MAP3K13: variants seen among roughly 807,000 people sequenced by gnomAD.
The protein encoded by MAP3K13 is leucine zipper-bearing kinase.
A neutral mutation model predicts 104.0 loss-of-function variants in MAP3K13; 52 were observed. That is an observed-to-expected ratio of 0.50 (90% CI 0.40 to 0.63). MAP3K13 has a LOEUF of 0.63. Among genes scored for constraint, MAP3K13 ranks in the 20% least tolerant of loss-of-function variants. The pLI is 0.00. For missense variants in MAP3K13, 914 were observed against 1,218.5 expected (o/e 0.75, Z 3.72); for synonymous variants, 394 against 442.2 (o/e 0.89, Z 1.37).
intron 2 of MAP3K13, among the ~76,000 whole-genome samples, chr3:185,433,925 A>C (rs1344621026): frequency 2.0e-5 from 3 of 152,094 alleles, no homozygotes; most frequent in African/African-American, 7.2e-5. Context: ...CTAAAGCAAT[A>C]TGAAAAGAAA....
chr3:185,365,042 C>A (rs1373988907), intron 1 of MAP3K13, among the ~76,000 whole-genome samples: 4 of 152,114 alleles, frequency 2.6e-5, no homozygotes, highest in African/African-American at 9.7e-5. Flanking sequence ...AAAAAATGTT[C>A]ATCAGACTCT....
At chr3:185,475,570 G>GGGTGGCCGC (rs1718073389) in intron 11 of MAP3K13, among the ~76,000 whole-genome samples, 1 of 152,154 alleles carries the variant, frequency 6.6e-6, no homozygotes, top group African/African-American at 2.4e-5. Flanking sequence ...GTGTTTCAGG[G>GGGTGGCCGC]GGTGGCCGCG....
intron 1 of MAP3K13, among the ~76,000 whole-genome samples, chr3:185,422,746 C>T (rs749591961): frequency 1.3e-5 from 2 of 152,222 alleles, no homozygotes; most frequent in Non-Finnish European, 2.9e-5. Flanking sequence ...GAGCCAATAG[C>T]ACGTAAGACT....
chr3:185,453,572 C>G (rs1032618777), intron 7 of MAP3K13, among the ~76,000 whole-genome samples: 2 of 151,668 alleles, frequency 1.3e-5, no homozygotes, highest in African/African-American at 4.8e-5. Context: ...AGATTGAGAC[C>G]ATCCTGGCCA....
rs1448179584 is a variant in MAP3K13 at position 185,473,203 on chromosome 3, T to C, written c.1872T>C (p.Ala624=). Residue 624 remains alanine, a synonymous_variant, in exon 11 of 14, where the codon GCT becomes GCC. Transcript: ENST00000265026. The surrounding 1 kb of genome is among the most constrained non-coding windows in gnomAD (Gnocchi z 4.9). ...NSPHPTYLHQ[A]QSQYPSLHHH... ...CCCATCCCACTTACCTGCACCAAGC[T>C]CAATCCCAATACCCTTCTCTTCATC... The C allele has an allele frequency of 7.4e-6, 12 of 1,613,878 alleles. No individual in the cohort carries two copies. Among genetic ancestry groups the C allele is most frequent in the Non-Finnish European group, 9.3e-6 (11 of 1,180,008 alleles).
rs1717907691 is a variant in MAP3K13 at position 185,473,190 on chromosome 3, A to C, written c.1859A>C (p.Tyr620Ser). ...CAGGAAAATTCACCCCATCCCACTT[A>C]CCTGCACCAAGCTCAATCCCAATAC... ...PAQENSPHPT[Y>S]LHQAQSQYPS... Residue 620 changes from tyrosine (Y) to serine (S), a missense_variant, in exon 11 of 14, where the codon TAC (tyrosine) becomes TCC (serine). Tyr to Ser is a moderately radical substitution (Grantham distance 144). Around this residue, in one of 3 missense-constraint regions of MAP3K13, gnomAD observed 583 missense variants for 737.4 expected, o/e 0.79. Transcript: ENST00000265026. This position sits in a 1 kb window ranked among gnomAD's most constrained non-coding sequence, Gnocchi z 4.9. 1 of 1,614,086 alleles carries C rather than the reference A, an allele frequency of 6.2e-7. No homozygotes were observed. The highest frequency in any genetic ancestry group is 1.3e-5 in the African/African-American group (1 of 75,012).
intron 1 of MAP3K13, among the ~76,000 whole-genome samples, chr3:185,397,904 C>A (rs1577507831): frequency 6.6e-6 from 1 of 152,154 alleles, no homozygotes; most frequent in African/African-American, 2.4e-5. Context: ...GCCAGTAAGA[C>A]TTTGAAAGGT....
intron 2 of MAP3K13, among the ~76,000 whole-genome samples, chr3:185,289,578 A>T (rs1177645543): frequency 6.6e-6 from 1 of 152,144 alleles, no homozygotes; most frequent in South Asian, 2.1e-4. Context: ...TGATAGGCTT[A>T]ATTAGCTGGC....
In MAP3K13 at chr3:185,450,700, C is replaced by A. The variant is rs528680483; in HGVS notation, c.1170-587C>A. ...CTGTAATCCCAACACTTTGGGAGGCCGAGGTAGGAGGATCACTTGAACCCA... is the reference window on the plus strand; with the variant it reads ...CTGTAATCCCAACACTTTGGGAGGCAGAGGTAGGAGGATCACTTGAACCCA... On this transcript the variant is annotated intron_variant, in intron 6 of 13. Transcript: ENST00000265026. The surrounding 1 kb of genome is among the most constrained non-coding windows in gnomAD (Gnocchi z 4.2). 1.3e-5 allele frequency among the ~76,000 whole-genome samples: 2 copies of A among 151,224 alleles called. No individual in the cohort carries two copies. The highest frequency in any genetic ancestry group is 6.6e-5 in the Admixed American group (1 of 15,162).
chr3:185,442,180 A>C (rs1475084455), intron 3 of MAP3K13, among the ~76,000 whole-genome samples: 1 of 115,666 alleles, frequency 8.6e-6, no homozygotes, highest in Admixed American at 1.0e-4. Context: ...ACAGAGCGAG[A>C]CTCTTTCTTA....
chr3:185,444,703 A>G (rs1321044057), intron 4 of MAP3K13, among the ~76,000 whole-genome samples: 1 of 152,238 alleles, frequency 6.6e-6, no homozygotes, highest in Non-Finnish European at 1.5e-5. Context: ...TATAACTCCT[A>G]TTTTTAAACA....
At chr3:185,428,075 G>A (rs561944743) in intron 1 of MAP3K13, among the ~76,000 whole-genome samples, 9 of 142,266 alleles carry the variant, frequency 6.3e-5, no homozygotes, top group Admixed American at 1.4e-4. Flanking sequence ...GCAAAACTCC[G>A]TCTCAAAAAA....
intron 7 of MAP3K13, among the ~76,000 whole-genome samples, chr3:185,455,266 GAT>G (rs1270689548): frequency 1.1e-4 from 2 of 17,800 alleles, no homozygotes; most frequent in Non-Finnish European, 1.9e-4. Context: ...AGATATATGA[GAT>G]ATATATGAGA....
chr3:185,307,836 C>T (rs1721350933), intron 2 of MAP3K13, among the ~76,000 whole-genome samples: 1 of 152,028 alleles, frequency 6.6e-6, no homozygotes, highest in Non-Finnish European at 1.5e-5. Context: ...GCCACCACAC[C>T]CAGCCTTTAA....
chr3:185,449,451 G>T (rs1263333333), intron 5 of MAP3K13, among the ~76,000 whole-genome samples: 1 of 149,616 alleles, frequency 6.7e-6, no homozygotes, highest in Middle Eastern at 3.5e-3. Flanking sequence ...GATTTTTATG[G>T]TTTCATTTTT....
intron 1 of MAP3K13, among the ~76,000 whole-genome samples, chr3:185,384,308 C>CTGTGTGTG (rs142627913): frequency 0.049 from 7,211 of 147,482 alleles, 260 homozygotes; most frequent in East Asian, 0.12. Context: ...GTATTCCATT[C>CTGTGTGTG]TGTGTGTGTG....
At chr3:185,459,428 A>C (rs1374935077) in intron 7 of MAP3K13, among the ~76,000 whole-genome samples, 3 of 151,982 alleles carry the variant, frequency 2.0e-5, no homozygotes, top group African/African-American at 7.3e-5. Flanking sequence ...GATAGTATAA[A>C]ATTTGCCATT....
In MAP3K13 at chr3:185,450,135, TAGG is replaced by T. The variant is rs1421216749; in HGVS notation, c.1169+80_1169+82del. ...GTAAATATCCTGGTGGTGGAAAGAA[TAGG>T]AGCTTTGGAGTAGGAGAATCTTGGG... On this transcript the variant is annotated intron_variant, in intron 6 of 13. Transcript: ENST00000265026. The surrounding 1 kb of genome is among the most constrained non-coding windows in gnomAD (Gnocchi z 4.2). 5.3e-5 allele frequency: 73 copies of T among 1,372,418 alleles called. No individual in the cohort carries two copies. In the African/African-American group the frequency reaches 8.7e-4, roughly 16 times the overall value. 85.0% of individuals were successfully genotyped at this position (1,372,418 alleles called of 1,614,324 possible). A position where few individuals can be genotyped will look rare whatever the true frequency, so the allele number is the denominator to read the frequency against.
chr3:185,401,020 A>G (rs895974620), intron 1 of MAP3K13, among the ~76,000 whole-genome samples: 1 of 151,978 alleles, frequency 6.6e-6, no homozygotes, highest in African/African-American at 2.4e-5. Context: ...GCAGAAGAGA[A>G]TCATGGGCCA....
Sources: allele counts gnomAD v4.1 joint callset (sites outside exome capture counted in the v4.1 genomes callset), GRCh38; gene constraint gnomAD v4.1.1; regional missense constraint gnomAD v4.1.1; non-coding constraint Gnocchi (gnomAD v3.1); transcripts MANE v1.5; gene names NCBI Gene and HGNC (gene_info 2026-07-23, HGNC 2026-07-21).